Variants in STK32B observed in about 807,000 individuals in gnomAD.
STK32B encodes the protein serine/threonine-protein kinase 32B.
Under a neutral mutation model 52.6 loss-of-function variants are expected in STK32B, and 43 were observed. The observed-to-expected ratio is 0.82, with a 90% CI of 0.64 to 1.05. STK32B has a LOEUF of 1.05. Ranked by LOEUF, STK32B falls within the 50% of genes least tolerant of loss-of-function variation. The pLI is 0.00. For missense variants in STK32B, 621 were observed against 534.6 expected (o/e 1.16, Z -1.59); for synonymous variants, 238 against 204.3 (o/e 1.17, Z -1.41).
chr4:5,436,277 G>C (rs556576564), intron 6 of STK32B, among the ~76,000 whole-genome samples: 1 of 152,208 alleles, frequency 6.6e-6, no homozygotes, highest in South Asian at 2.1e-4. Context: ...CACACGAAAG[G>C]CTCTGAGGAT....
At chr4:5,271,035 T>G in intron 3 of STK32B, among the ~76,000 whole-genome samples, 1 of 152,032 alleles carries the variant, frequency 6.6e-6, no homozygotes, top group African/African-American at 2.4e-5. Flanking sequence ...CCTCCCAGAT[T>G]CAAGCAATTC....
At chr4:5,205,734 A>G (rs187749566) in intron 3 of STK32B, among the ~76,000 whole-genome samples, 5,217 of 147,568 alleles carry the variant, frequency 0.035, 106 homozygotes, top group Middle Eastern at 0.087. Context: ...GTGTGTGTGC[A>G]TTTAGGATTG....
intron 3 of STK32B, among the ~76,000 whole-genome samples, chr4:5,277,370 AT>A (rs75165869): frequency 0.15 from 21,817 of 148,492 alleles, 3,604 homozygotes; most frequent in African/African-American, 0.41. Context: ...TGTCTGGAGT[AT>A]TTTTTTTTTT....
At chr4:5,145,316 C>G (rs889514556) in intron 2 of STK32B, among the ~76,000 whole-genome samples, 28 of 152,164 alleles carry the variant, frequency 1.8e-4, no homozygotes. Flanking sequence ...GTACATTTCT[C>G]CTTAAATATT....
chr4:5,382,156 A>T (rs191601607), intron 4 of STK32B, among the ~76,000 whole-genome samples: 1 of 152,144 alleles, frequency 6.6e-6, no homozygotes, highest in South Asian at 2.1e-4. Flanking sequence ...CTTAAATGTT[A>T]ATCTTACCCA....
At chr4:5,047,338 G>T (rs549656858), upstream of STK32B, among the ~76,000 whole-genome samples, 1 of 151,978 alleles carries the variant, frequency 6.6e-6, no homozygotes, top group Non-Finnish European at 1.5e-5. Flanking sequence ...GGGCCTGTTG[G>T]GGGGTGGGGG....
chr4:5,351,330 G>A (rs1487412248), intron 4 of STK32B, among the ~76,000 whole-genome samples: 1 of 151,960 alleles, frequency 6.6e-6, no homozygotes, highest in Non-Finnish European at 1.5e-5. Context: ...CTATACAAAT[G>A]CATGGAAATT....
chr4:5,285,478 C>T (rs1728488498), intron 3 of STK32B, among the ~76,000 whole-genome samples: 1 of 152,050 alleles, frequency 6.6e-6, no homozygotes, highest in Non-Finnish European at 1.5e-5. Flanking sequence ...AAAGACAGGA[C>T]ATAATAGGAT....
At chr4:5,381,186 C>T (rs1402549732) in intron 4 of STK32B, among the ~76,000 whole-genome samples, 5 of 152,158 alleles carry the variant, frequency 3.3e-5, no homozygotes, top group African/African-American at 9.7e-5. Context: ...GATGATTTCC[C>T]AAGACTCCCT....
intron 3 of STK32B, among the ~76,000 whole-genome samples, chr4:5,173,419 C>G (rs1182602053): frequency 1.3e-5 from 2 of 151,924 alleles, no homozygotes; most frequent in Non-Finnish European, 2.9e-5. Context: ...TGGATCTTTC[C>G]TGCTTTCTCT....
intron 5 of STK32B, among the ~76,000 whole-genome samples, chr4:5,416,560 G>A (rs1712177966): frequency 1.3e-5 from 2 of 152,078 alleles, no homozygotes; most frequent in Non-Finnish European, 2.9e-5. Flanking sequence ...GTTATTTCTA[G>A]GAGCTTTAAT....
chr4:5,234,706 C>G (rs766488874), intron 3 of STK32B, among the ~76,000 whole-genome samples: 1 of 152,228 alleles, frequency 6.6e-6, no homozygotes, highest in South Asian at 2.1e-4. Flanking sequence ...GTTGGGGCCA[C>G]AGCAATCCAA....
At chr4:5,452,239 G>A (rs1488567902) in intron 7 of STK32B, among the ~76,000 whole-genome samples, 1 of 152,200 alleles carries the variant, frequency 6.6e-6, no homozygotes, top group Non-Finnish European at 1.5e-5. Context: ...CCTTAGGAAT[G>A]GGTAGACAGA....
intron 2 of STK32B, among the ~76,000 whole-genome samples, chr4:5,156,154 A>G (rs543142294): frequency 2.6e-5 from 4 of 151,916 alleles, no homozygotes; most frequent in African/African-American, 9.6e-5. Flanking sequence ...TCATATGTAT[A>G]TGTGTATACA....
chr4:5,237,903 A>T (rs1045952303), intron 3 of STK32B, among the ~76,000 whole-genome samples: 8 of 152,116 alleles, frequency 5.3e-5, no homozygotes, highest in Non-Finnish European at 2.9e-5. Context: ...CTTTATTTGG[A>T]TGGATAAAAT....
chr4:5,487,216 G>C (rs1461262908), intron 11 of STK32B, among the ~76,000 whole-genome samples: 2 of 152,136 alleles, frequency 1.3e-5, no homozygotes, highest in East Asian at 3.9e-4. Context: ...CCACAGTAAA[G>C]TAACAAAAAG....
At chr4:5,141,032 G>T (rs536422646) in intron 2 of STK32B, among the ~76,000 whole-genome samples, 2 of 152,202 alleles carry the variant, frequency 1.3e-5, no homozygotes, top group African/African-American at 4.8e-5. Flanking sequence ...AGAAGTTGCT[G>T]TTTTGTAGAG....
intron 6 of STK32B, among the ~76,000 whole-genome samples, chr4:5,445,159 C>T (rs1002664255): frequency 9.2e-5 from 14 of 152,062 alleles, no homozygotes; most frequent in African/African-American, 1.7e-4. Flanking sequence ...AAGGAGAGCC[C>T]GTGGGTGAAA....
intron 3 of STK32B, among the ~76,000 whole-genome samples, chr4:5,303,280 G>A (rs1051697163): frequency 1.8e-4 from 27 of 152,030 alleles, no homozygotes; most frequent in African/African-American, 6.3e-4. Flanking sequence ...ACTGGTTGTA[G>A]TAGTTTTCAT....
Sources: allele counts gnomAD v4.1 joint callset (sites outside exome capture counted in the v4.1 genomes callset), GRCh38; gene constraint gnomAD v4.1.1; transcripts MANE v1.5; gene names NCBI Gene and HGNC (gene_info 2026-07-23, HGNC 2026-07-21).